GNA12: variants seen among roughly 807,000 people sequenced by gnomAD.
GNA12 encodes the protein G protein subunit alpha 12.
Under a neutral mutation model 26.0 loss-of-function variants are expected in GNA12, and 9 were observed. The observed-to-expected ratio is 0.35, with a 90% CI of 0.21 to 0.60. The LOEUF is 0.60. Among genes scored for constraint, GNA12 ranks in the 20% least tolerant of loss-of-function variants. GNA12 has a pLI of 0.78. For missense variants in GNA12, 405 were observed against 525.8 expected, an observed-to-expected ratio of 0.77 and a Z score of 2.25; for synonymous variants, 264 against 219.6, an observed-to-expected ratio of 1.20 and a Z score of -1.79.
At chr7:2,833,789 C>T (rs1778750330) in intron 1 of GNA12, among the ~76,000 whole-genome samples, 3 of 152,132 alleles carry the variant, frequency 2.0e-5, no homozygotes, top group Admixed American at 2.0e-4. Context: ...GCCACGCAAA[C>T]CCGCCGCAGC....
intron 1 of GNA12, among the ~76,000 whole-genome samples, chr7:2,838,959 G>T (rs1778912097): frequency 6.6e-6 from 1 of 152,184 alleles, no homozygotes; most frequent in African/African-American, 2.4e-5. Context: ...ACTCTTAACT[G>T]ACAGAACTAC....
chr7:2,800,276 A>G (rs1405867489), intron 1 of GNA12, among the ~76,000 whole-genome samples: 2 of 152,242 alleles, frequency 1.3e-5, no homozygotes, highest in Non-Finnish European at 2.9e-5. Flanking sequence ...TCTTGAGGTG[A>G]CAAGATTACA....
intron 1 of GNA12, among the ~76,000 whole-genome samples, chr7:2,817,742 C>T (rs150863435): frequency 2.0e-4 from 30 of 152,332 alleles, no homozygotes; most frequent in Middle Eastern, 3.4e-3. Context: ...CTGGTCTAAG[C>T]AGTTTGGTTC....
At chr7:2,841,984 A>C (rs1451902320) in intron 1 of GNA12, among the ~76,000 whole-genome samples, 2 of 96,260 alleles carry the variant, frequency 2.1e-5, no homozygotes, top group African/African-American at 8.1e-5. Context: ...TGAGGGGACA[A>C]GGAAAGGGTA....
chr7:2,765,892 C>A (rs185462443), intron 2 of GNA12, among the ~76,000 whole-genome samples: 1 of 151,546 alleles, frequency 6.6e-6, no homozygotes, highest in African/African-American at 2.4e-5. Flanking sequence ...TCCCCTCCCC[C>A]CAAGTTTCCA....
intron 2 of GNA12, among the ~76,000 whole-genome samples, chr7:2,761,525 C>G (rs551673251): frequency 5.3e-5 from 8 of 152,218 alleles, no homozygotes; most frequent in Non-Finnish European, 1.2e-4. Flanking sequence ...CTAAAAAGAG[C>G]TGGAACGGAC....
chr7:2,752,814 G>A (rs1791102812), intron 2 of GNA12, among the ~76,000 whole-genome samples: 1 of 152,160 alleles, frequency 6.6e-6, no homozygotes, highest in Non-Finnish European at 1.5e-5. Flanking sequence ...GACCTGCCAT[G>A]CATTTTCCCC....
At chr7:2,733,420 C>A (rs1273636390) in intron 3 of GNA12, 31 bp downstream of exon 3, 5 of 1,605,696 alleles carry the variant, frequency 3.1e-6, no homozygotes, top group Non-Finnish European at 3.4e-6. Context: ...ACCCTGGAGC[C>A]CAGCTTCTTC....
chr7:2,788,063 A>T (rs1792409966), intron 2 of GNA12, among the ~76,000 whole-genome samples: 1 of 152,138 alleles, frequency 6.6e-6, no homozygotes, highest in South Asian at 2.1e-4. Context: ...AGGCTGAGGG[A>T]GAATCGCTTG....
intron 1 of GNA12, among the ~76,000 whole-genome samples, chr7:2,827,915 T>C (rs1008797869): frequency 2.8e-5 from 4 of 140,676 alleles, no homozygotes; most frequent in Non-Finnish European, 6.4e-5. Context: ...CCCGATACTT[T>C]ATTTAAAATT....
At chr7:2,741,970 T>C (rs771252492) in intron 2 of GNA12, among the ~76,000 whole-genome samples, 1 of 151,952 alleles carries the variant, frequency 6.6e-6, no homozygotes, top group Non-Finnish European at 1.5e-5. Flanking sequence ...ATTACTTACA[T>C]GTAGTTATCA....
chr7:2,742,083 G>T (rs759712984), intron 2 of GNA12, among the ~76,000 whole-genome samples: 1 of 151,750 alleles, frequency 6.6e-6, no homozygotes, highest in African/African-American at 2.4e-5. Flanking sequence ...GTGCAGTGGG[G>T]CGATCTCAGC....
At chr7:2,775,708 A>C (rs2115427765) in intron 2 of GNA12, among the ~76,000 whole-genome samples, 1 of 152,320 alleles carries the variant, frequency 6.6e-6, no homozygotes, top group East Asian at 1.9e-4. Flanking sequence ...CTATGAATTA[A>C]AGCAGAGGGC....
intron 1 of GNA12, among the ~76,000 whole-genome samples, chr7:2,834,502 C>A (rs1778772744): frequency 6.6e-6 from 1 of 152,182 alleles, no homozygotes; most frequent in Admixed American, 6.5e-5. Context: ...CACTGAATAT[C>A]CCTTCTGCAT....
At chr7:2,749,518 G>C (rs1366240017) in intron 2 of GNA12, among the ~76,000 whole-genome samples, 2 of 150,888 alleles carry the variant, frequency 1.3e-5, no homozygotes, top group Non-Finnish European at 3.0e-5. Context: ...TTGTGGGGTA[G>C]GGGGAGGGGG....
At chr7:2,781,111 T>C (rs577586880) in intron 2 of GNA12, among the ~76,000 whole-genome samples, 10 of 152,366 alleles carry the variant, frequency 6.6e-5, no homozygotes, top group African/African-American at 2.4e-4. Context: ...TAACTCATAC[T>C]GAATTGCCTA....
chr7:2,780,046 GTGTACATATATATATATATATA>G (rs1261341025), intron 2 of GNA12, among the ~76,000 whole-genome samples: 8 of 85,832 alleles, frequency 9.3e-5, no homozygotes, highest in South Asian at 4.2e-4. Flanking sequence ...ACACATTTCT[GTGTACATATATATATATATATA>G]TATATATATA....
rs539542816 is a variant in GNA12 at position 2,740,140 on chromosome 7, G to T, written c.526-6639C>A. On this transcript the variant is annotated intron_variant, in intron 2 of 3. Transcript: ENST00000275364. ...TTTAAAAACGGTGGCCATCCTACTA[G>T]CTGTGAAATGGCACTCCAGTGTGAT... Among the ~76,000 whole-genome samples, 9 of 152,144 alleles carry T rather than the reference G, an allele frequency of 5.9e-5. No individual in the cohort carries two copies. In the South Asian group the frequency reaches 1.7e-3, roughly 28 times the overall value.
At chr7:2,789,639 A>T (rs1792467038) in intron 2 of GNA12, among the ~76,000 whole-genome samples, 1 of 152,134 alleles carries the variant, frequency 6.6e-6, no homozygotes. Flanking sequence ...GGGTGGCAAC[A>T]TCCCACCCAC....
Sources: gnomAD v4.1 joint callset for allele counts (sites outside exome capture counted in the v4.1 genomes callset) on GRCh38, gnomAD v4.1.1 for gene constraint, MANE v1.5 for transcripts, NCBI Gene and HGNC (gene_info 2026-07-23, HGNC 2026-07-21) for gene names.